Variants in ADK observed in about 807,000 individuals in gnomAD.
ADK encodes adenosine kinase.
ADK carries 24 observed loss-of-function variants against 44.7 expected under a neutral mutation model. That is an observed-to-expected ratio of 0.54 (90% CI 0.39 to 0.76). ADK has a LOEUF of 0.76. Among genes scored for constraint, ADK ranks in the 30% least tolerant of loss-of-function variants. ADK has a pLI of 0.00. For synonymous variants in ADK, 128 were observed against 142.6 expected, an observed-to-expected ratio of 0.90 and a Z score of 0.73; for missense variants, 321 against 425.1, an observed-to-expected ratio of 0.76 and a Z score of 2.15.
intron 3 of ADK, among the ~76,000 whole-genome samples, chr10:74,237,542 C>T (rs1277739660): frequency 1.3e-5 from 2 of 152,328 alleles, no homozygotes; most frequent in Middle Eastern, 3.4e-3. Context: ...CACGAATGTT[C>T]TTAATGGCAT....
chr10:74,191,706 C>G (rs1591830268), intron 1 of ADK, among the ~76,000 whole-genome samples: 1 of 152,246 alleles, frequency 6.6e-6, no homozygotes, highest in East Asian at 1.9e-4. Context: ...AGTGTGTTAC[C>G]AAAACCAGGA....
At chr10:74,271,463 C>T (rs531693789) in intron 3 of ADK, among the ~76,000 whole-genome samples, 81 of 150,378 alleles carry the variant, frequency 5.4e-4, no homozygotes, top group Middle Eastern at 3.4e-3. Context: ...GCACAATGTG[C>T]GGGTTAGTTA....
At chr10:74,573,149 C>T (rs1463122967) in intron 7 of ADK, among the ~76,000 whole-genome samples, 4 of 151,866 alleles carry the variant, frequency 2.6e-5, no homozygotes, top group African/African-American at 9.7e-5. Context: ...TACTTTTGGT[C>T]TTTGATGATG....
chr10:74,259,353 C>A (rs1269163484), intron 3 of ADK, among the ~76,000 whole-genome samples: 1 of 151,236 alleles, frequency 6.6e-6, no homozygotes, highest in East Asian at 1.9e-4. Flanking sequence ...ACTCAAAAAT[C>A]TTTAGCAAAA....
intron 9 of ADK, among the ~76,000 whole-genome samples, chr10:74,620,583 G>A (rs1338164245): frequency 1.3e-5 from 2 of 152,186 alleles, no homozygotes; most frequent in African/African-American, 4.8e-5. Context: ...AAACATGGGG[G>A]TGCAAATGTC....
intron 7 of ADK, among the ~76,000 whole-genome samples, chr10:74,552,472 A>C (rs540020514): frequency 3.9e-5 from 6 of 152,310 alleles, no homozygotes; most frequent in Admixed American, 6.5e-5. Flanking sequence ...GTAAATAGGC[A>C]TGGAGGTATC....
intron 3 of ADK, among the ~76,000 whole-genome samples, chr10:74,247,924 AATTTT>A (rs1221135920): frequency 1.3e-5 from 2 of 152,160 alleles, no homozygotes; most frequent in Non-Finnish European, 2.9e-5. Flanking sequence ...TCTGTTTTAA[AATTTT>A]AAAAATTTTA....
chr10:74,370,340 C>T (rs930547474), intron 4 of ADK, among the ~76,000 whole-genome samples: 1 of 152,148 alleles, frequency 6.6e-6, no homozygotes, highest in African/African-American at 2.4e-5. Flanking sequence ...AATGAGTTGT[C>T]TGAACTCACC....
intron 10 of ADK, among the ~76,000 whole-genome samples, chr10:74,686,264 A>G (rs1028677629): frequency 6.6e-6 from 1 of 152,028 alleles, no homozygotes; most frequent in Admixed American, 6.6e-5. Flanking sequence ...CCTGGCCCCA[A>G]AAGATGTGGT....
chr10:74,251,030 C>T (rs908321572), intron 3 of ADK, among the ~76,000 whole-genome samples: 8 of 152,182 alleles, frequency 5.3e-5, no homozygotes, highest in African/African-American at 1.9e-4. Flanking sequence ...GCATGAGCCA[C>T]CATGCCTGGT....
chr10:74,536,284 G>A (rs2133700020), intron 7 of ADK, among the ~76,000 whole-genome samples: 1 of 151,950 alleles, frequency 6.6e-6, no homozygotes, highest in Middle Eastern at 3.4e-3. Flanking sequence ...CCCCATTTGT[G>A]ACCCCAGTAT....
chr10:74,269,055 C>T (rs554630408), intron 3 of ADK, among the ~76,000 whole-genome samples: 72 of 152,222 alleles, frequency 4.7e-4, no homozygotes, highest in Non-Finnish European at 8.7e-4. Flanking sequence ...CATTGTTGTA[C>T]ACAATATTCA....
At chr10:74,366,905 A>G (rs890183859) in intron 4 of ADK, among the ~76,000 whole-genome samples, 1 of 152,192 alleles carries the variant, frequency 6.6e-6, no homozygotes, top group Non-Finnish European at 1.5e-5. Flanking sequence ...ACTCCAGCCT[A>G]GGTAACAGAG....
At chr10:74,470,639 C>A (rs1040635090) in intron 6 of ADK, among the ~76,000 whole-genome samples, 2 of 46,648 alleles carry the variant, frequency 4.3e-5, no homozygotes, top group Non-Finnish European at 1.2e-4. Context: ...CATTTGGATT[C>A]TTTCGGGGGT....
chr10:74,199,700 G>A (rs1388576539), intron 1 of ADK, among the ~76,000 whole-genome samples: 2 of 150,840 alleles, frequency 1.3e-5, no homozygotes, highest in African/African-American at 4.9e-5. Context: ...TTATTTTTTA[G>A]GCAGAGTCTC....
chr10:74,445,476 A>G (rs1296103738), intron 6 of ADK, among the ~76,000 whole-genome samples: 1 of 151,964 alleles, frequency 6.6e-6, no homozygotes, highest in Non-Finnish European at 1.5e-5. Context: ...ACATACTTTT[A>G]TACTCATTCC....
At chr10:74,161,058 C>T (rs12573590) in intron 1 of ADK, among the ~76,000 whole-genome samples, 5 of 152,128 alleles carry the variant, frequency 3.3e-5, no homozygotes, top group Admixed American at 1.3e-4. Flanking sequence ...TTATACTTTG[C>T]GTTATTGCAA....
rs543790677 is a variant in ADK, at chr10:74,444,589, A to C, written c.555+46010A>C. Among the ~76,000 whole-genome samples, 12 of 152,246 alleles carry C rather than the reference A, an allele frequency of 7.9e-5. No individual in the cohort carries two copies. In the South Asian group the frequency reaches 2.5e-3, roughly 32 times the overall value. On this transcript the variant is annotated intron_variant, in intron 6 of 10. Coordinates refer to ENST00000539909, the MANE Select transcript of ADK (RefSeq NM_006721.4). The stretch of plus-strand genomic sequence containing the variant: ...TTTTGTAGCAAGGGGTTGGGGGAGT[A>C]TACTCTAAGGCAGCTTCTCTCTGAC...
intron 6 of ADK, among the ~76,000 whole-genome samples, chr10:74,474,667 CAT>C (rs113810966): frequency 2.0e-5 from 3 of 151,796 alleles, no homozygotes; most frequent in African/African-American, 7.3e-5. Context: ...CTTAGGCTCC[CAT>C]GTGTGTGGGG....
Sources: gnomAD v4.1 joint callset for allele counts (sites outside exome capture counted in the v4.1 genomes callset) on GRCh38, gnomAD v4.1.1 for gene constraint, MANE v1.5 for transcripts, NCBI Gene and HGNC (gene_info 2026-07-23, HGNC 2026-07-21) for gene names.